INPP5A: variants seen among roughly 807,000 people sequenced by gnomAD.
INPP5A encodes 43 kDa inositol polyphosphate 5-phophatase.
A neutral mutation model predicts 65.2 loss-of-function variants in INPP5A; 14 were observed. The ratio of observed to expected loss-of-function variants is 0.21; its 90% CI spans 0.14 to 0.34. The LOEUF (loss-of-function observed/expected upper bound fraction) is 0.34. INPP5A is among the 10% of genes least tolerant of loss of function. The pLI, the probability that INPP5A is intolerant of heterozygous loss-of-function variation, is 1.00. For synonymous variants in INPP5A, 207 were observed against 208.3 expected, an observed-to-expected ratio of 0.99 and a Z score of 0.05; for missense variants, 431 against 545.6, an observed-to-expected ratio of 0.79 and a Z score of 2.09.
intron 2 of INPP5A, among the ~76,000 whole-genome samples, chr10:132,624,641 C>G (rs995928839): frequency 2.0e-5 from 3 of 152,218 alleles, no homozygotes; most frequent in African/African-American, 7.2e-5. Context: ...GCATGTAGGC[C>G]GTGGTCTCTG....
chr10:132,749,754 C>T lies in INPP5A; in HGVS notation c.829-17C>T. 6.2e-7 allele frequency: 1 copy of T among 1,612,158 alleles called. No individual in the cohort carries two copies. On this transcript the variant is annotated splice_polypyrimidine_tract_variant and intron_variant, in intron 10 of 15. Transcript: ENST00000368594. ...CTGGGGGAGCTCAGGTGCTCATGGG[C>T]CACTCTGACTTCACAGGTTATGCTC... is the stretch of plus-strand genomic sequence containing the variant.
At chr10:132,750,643 G>C (rs1222150172) in intron 11 of INPP5A, among the ~76,000 whole-genome samples, 1 of 152,248 alleles carries the variant, frequency 6.6e-6, no homozygotes, top group African/African-American at 2.4e-5. Flanking sequence ...CGCAGCAGCT[G>C]GCTGGGCCCC....
At chr10:132,735,451 A>C (rs1846159426) in intron 9 of INPP5A, among the ~76,000 whole-genome samples, 2 of 152,226 alleles carry the variant, frequency 1.3e-5, no homozygotes, top group Non-Finnish European at 2.9e-5. Context: ...GGCTGGGGGC[A>C]GGCGGTGCCC....
intron 1 of INPP5A, among the ~76,000 whole-genome samples, chr10:132,590,180 C>T (rs1369830623): frequency 1.3e-5 from 2 of 152,106 alleles, no homozygotes; most frequent in African/African-American, 2.4e-5. Context: ...GATGCGGCCT[C>T]CTGCAGTGGT....
intron 1 of INPP5A, among the ~76,000 whole-genome samples, chr10:132,544,710 G>A (rs950919815): frequency 6.6e-6 from 1 of 152,072 alleles, no homozygotes; most frequent in African/African-American, 2.4e-5. Flanking sequence ...GAATAAGCCT[G>A]GCAGTTCTCC....
At position 132,644,483 on chromosome 10, in the gene INPP5A, C is replaced by G. The variant is rs2072467109; in HGVS notation, c.118-1385C>G. ...GAGCCCGTCGTCCCTTGCTGGCTGCCCACTTGCTCAGCTGCGCCCTGGACC... is the reference window on the plus strand; with the variant it reads ...GAGCCCGTCGTCCCTTGCTGGCTGCGCACTTGCTCAGCTGCGCCCTGGACC... On this transcript the variant is annotated intron_variant, in intron 2 of 15. Coordinates refer to ENST00000368594, the MANE Select transcript of INPP5A (RefSeq NM_005539.5). The surrounding 1 kb of genome is among the most constrained non-coding windows in gnomAD (Gnocchi z 6.5). 6.6e-6 allele frequency among the ~76,000 whole-genome samples: 1 copy of G among 152,232 alleles called. No homozygotes were observed. Among genetic ancestry groups the G allele is most frequent in the African/African-American group, 2.4e-5 (1 of 41,456 alleles).
At chr10:132,777,995 C>T (rs1295885986) in intron 13 of INPP5A, 11 of 1,340,114 alleles carry the variant, frequency 8.2e-6, no homozygotes, top group African/African-American at 4.4e-5. Flanking sequence ...CAGATGGAGC[C>T]GAGTTCCTGG....
At chr10:132,624,684 C>A (rs1282685192) in intron 2 of INPP5A, among the ~76,000 whole-genome samples, 2 of 152,224 alleles carry the variant, frequency 1.3e-5, no homozygotes, top group Non-Finnish European at 2.9e-5. Flanking sequence ...GCTCAGGACT[C>A]CCCACCTTTC....
At chr10:132,758,762 G>A (rs879509730) in intron 11 of INPP5A, among the ~76,000 whole-genome samples, 7 of 152,184 alleles carry the variant, frequency 4.6e-5, no homozygotes, top group African/African-American at 1.4e-4. Flanking sequence ...GCCTTAGACC[G>A]TCCTTTGTCT....
In INPP5A at chr10:132,575,493, G is replaced by A. The variant is rs979912526; in HGVS notation, c.76-32422G>A. On this transcript the variant is annotated intron_variant, in intron 1 of 15. Coordinates refer to ENST00000368594, the MANE Select transcript of INPP5A (RefSeq NM_005539.5). This position sits in a 1 kb window ranked among gnomAD's most constrained non-coding sequence, Gnocchi z 5.4. The stretch of plus-strand genomic sequence containing the variant: ...ACATCATAAAATTAGTAACCAAACC[G>A]ATCTAACCACATTCACAATCATTTG... Among the ~76,000 whole-genome samples the A allele has an allele frequency of 1.2e-4, 19 of 152,112 alleles. No homozygotes were observed. Among genetic ancestry groups the A allele is most frequent in the African/African-American group, 3.9e-4 (16 of 41,438 alleles).
intron 8 of INPP5A, among the ~76,000 whole-genome samples, chr10:132,725,434 G>A (rs923664527): frequency 1.3e-5 from 2 of 152,230 alleles, no homozygotes; most frequent in African/African-American, 4.8e-5. Context: ...AGGTGTCAGC[G>A]GTGGCGGCGG....
chr10:132,655,367 G>A lies in INPP5A; in HGVS notation c.306+4862G>A, dbSNP rs548521513. Among the ~76,000 whole-genome samples, 10 of 152,268 alleles carry A rather than the reference G, an allele frequency of 6.6e-5. No individual in the cohort carries two copies. In the South Asian group the frequency reaches 1.5e-3, roughly 22 times the overall value. ...CCCAGAGAAATTTCTTAGCCACCGCGGTGCATCCTCCCACACAGGCCTCGA... is the reference window on the plus strand; with the variant it reads ...CCCAGAGAAATTTCTTAGCCACCGCAGTGCATCCTCCCACACAGGCCTCGA... On this transcript the variant is annotated intron_variant, in intron 4 of 15. Coordinates refer to ENST00000368594, the MANE Select transcript of INPP5A (RefSeq NM_005539.5).
At chr10:132,752,640 ATGGAGGGACACGGGGCG>A (rs1271732541) in intron 11 of INPP5A, among the ~76,000 whole-genome samples, 9 of 31,830 alleles carry the variant, frequency 2.8e-4, no homozygotes, top group African/African-American at 5.8e-4. Context: ...GGGGTGTGGC[ATGGAGGGACACGGGGCG>A]TGGAGGGGCA....
intron 2 of INPP5A, among the ~76,000 whole-genome samples, chr10:132,614,908 C>T (rs2072009928): frequency 6.6e-6 from 1 of 152,268 alleles, no homozygotes; most frequent in South Asian, 2.1e-4. Context: ...ATGGGCTGGC[C>T]TCGCTCTTAT....
intron 1 of INPP5A, among the ~76,000 whole-genome samples, chr10:132,552,548 A>C (rs1405229824): frequency 1.6e-4 from 16 of 98,670 alleles, no homozygotes; most frequent in South Asian, 3.5e-4. Context: ...GCCTTGGTGG[A>C]ATATTGAGTA....
rs113862603 is a variant in INPP5A, at chr10:132,704,077, T to C, written c.475-4236T>C. On this transcript the variant is annotated intron_variant, in intron 6 of 15. Coordinates refer to ENST00000368594, the MANE Select transcript of INPP5A (RefSeq NM_005539.5). This position sits in a 1 kb window ranked among gnomAD's most constrained non-coding sequence, Gnocchi z 4.5. ...TTCACCCGCATGGGTTCTGAAGGCT[T>C]GGCCTGATCTCTGCTGCAGCATCTG... Among the ~76,000 whole-genome samples, 907 of 151,584 alleles carry C rather than the reference T, an allele frequency of 6.0e-3. 9 individuals carry two copies. The highest frequency in any genetic ancestry group is 0.021 in the African/African-American group (873 of 41,230).
At chr10:132,700,059 C>T (rs1038955003) in intron 6 of INPP5A, among the ~76,000 whole-genome samples, 6 of 152,140 alleles carry the variant, frequency 3.9e-5, no homozygotes, top group South Asian at 2.1e-4. Flanking sequence ...GGGCATAGCA[C>T]GAGGGGCCGC....
At chr10:132,774,700 T>G (rs2134688669) in intron 12 of INPP5A, among the ~76,000 whole-genome samples, 1 of 152,058 alleles carries the variant, frequency 6.6e-6, no homozygotes. Context: ...CTGCTCAGGT[T>G]CTAAAGCTGG....
chr10:132,661,657 CT>C (rs139760942), intron 4 of INPP5A, among the ~76,000 whole-genome samples: 51 of 148,164 alleles, frequency 3.4e-4, no homozygotes, highest in Admixed American at 6.0e-4. Flanking sequence ...TCTGAGCAGA[CT>C]TTTTTTTTTG....
Sources: gnomAD v4.1 joint callset for allele counts (sites outside exome capture counted in the v4.1 genomes callset) on GRCh38, gnomAD v4.1.1 for gene constraint, Gnocchi (gnomAD v3.1) non-coding constraint, MANE v1.5 for transcripts, NCBI Gene and HGNC (gene_info 2026-07-23, HGNC 2026-07-21) for gene names.